Variants in RDX observed in about 807,000 individuals in gnomAD.
RDX encodes the protein radixin.
A neutral mutation model predicts 83.7 loss-of-function variants in RDX; 32 were observed. The ratio of observed to expected loss-of-function variants is 0.38; its 90% CI spans 0.29 to 0.51. RDX has a LOEUF of 0.51. Ranked by LOEUF, RDX falls within the 20% of genes least tolerant of loss-of-function variation. The probability of loss-of-function intolerance (pLI) is 0.87; values close to 1 mark genes in which losing one functional copy is unlikely to be tolerated. For synonymous variants in RDX, 229 were observed against 222.7 expected (o/e 1.03, Z -0.25); for missense variants, 600 against 689.9 (o/e 0.87, Z 1.46).
intron 2 of RDX, among the ~76,000 whole-genome samples, chr11:110,273,626 T>C (rs1034349993): frequency 3.9e-5 from 6 of 152,236 alleles, no homozygotes; most frequent in Non-Finnish European, 8.8e-5. Context: ...ATACCTAATA[T>C]CTCAAAAACT....
chr11:110,224,962 C>G (rs770254853), downstream of RDX, among the ~76,000 whole-genome samples: 1 of 152,162 alleles, frequency 6.6e-6, no homozygotes, highest in Middle Eastern at 3.2e-3. Context: ...CTTCCCAAAG[C>G]TACCAGTTGT....
intron 14 of RDX, among the ~76,000 whole-genome samples, chr11:110,205,407 G>A (rs1259915282): frequency 4.3e-5 from 1 of 23,010 alleles, no homozygotes; most frequent in Admixed American, 5.6e-4. Context: ...TAAGCTACAA[G>A]AAATTGTAAA....
intron 15 of RDX, among the ~76,000 whole-genome samples, chr11:110,176,535 G>T (rs1009877789): frequency 1.3e-5 from 2 of 152,142 alleles, no homozygotes; most frequent in African/African-American, 4.8e-5. Flanking sequence ...CCATCACCCT[G>T]TCAGCAGTGA....
At chr11:110,264,262 A>T (rs369672555) in intron 4 of RDX, 28 bp from the exon 5 acceptor site, 1 of 1,530,784 alleles carries the variant, frequency 6.5e-7, no homozygotes, top group African/African-American at 1.4e-5. Context: ...AGTATAATCA[A>T]CAAAAATCTT....
At chr11:110,264,617 C>T (rs1465613815) in intron 4 of RDX, among the ~76,000 whole-genome samples, 162 bp downstream of exon 4, 1 of 147,696 alleles carries the variant, frequency 6.8e-6, no homozygotes, top group Admixed American at 6.8e-5. Flanking sequence ...AGATGATAAG[C>T]TGATGGTGCC....
rs1311114424 is a variant in RDX at position 110,264,148 on chromosome 11, T to C, written c.279A>G (p.Leu93=). The change falls in exon 5 of 14, where the codon TTA becomes TTG. Residue 93 remains leucine (L), a synonymous_variant. Transcript: ENST00000645495. ...KFFPEDVSEE[L]IQEITQRLFF... ...AGAGTCTCTGGGTTATTTCTTGAAT[T>C]AATTCCTCAGAAACATCTTCAGGAA... 6.2e-7 allele frequency: 1 copy of C among 1,612,610 alleles called. No individual in the cohort carries two copies. The highest frequency in any genetic ancestry group is 2.2e-5 in the East Asian group (1 of 44,860).
rs60766252 is a variant in RDX at position 110,221,601 on chromosome 11, AACACACACACACACACACAC to A, written c.1748+10252_1748+10271del. Among the ~76,000 whole-genome samples, 5 of 133,596 alleles carry A rather than the reference AACACACACACACACACACAC, an allele frequency of 3.7e-5. No homozygotes were observed. The South Asian group carries it at 7.8e-4, about 21-fold the overall frequency. The allele number at this position is 133,596 out of a possible 152,430, so 87.6% of individuals were successfully genotyped here. A position where few individuals can be genotyped will look rare whatever the true frequency, so the allele number is the denominator to read the frequency against. On this transcript the variant is annotated intron_variant, in intron 14 of 15. Transcript: ENST00000528498. ...CAACAGAGCAAGACCCTGTCTCCAA[AACACACACACACACACACAC>A]ACACACACACACACACACACACACG...
intron 14 of RDX, among the ~76,000 whole-genome samples, chr11:110,209,363 T>C (rs1325792071): frequency 2.6e-5 from 4 of 151,512 alleles, no homozygotes; most frequent in Non-Finnish European, 5.9e-5. Flanking sequence ...CGCTGATTGC[T>C]AGCATAGCAG....
At chr11:110,194,220 G>A (rs1863157546) in intron 15 of RDX, among the ~76,000 whole-genome samples, 1 of 152,190 alleles carries the variant, frequency 6.6e-6, no homozygotes, top group South Asian at 2.1e-4. Context: ...TACACAAAAA[G>A]TAATCTTGCA....
At chr11:110,277,219 T>C (rs546041347) in intron 2 of RDX, among the ~76,000 whole-genome samples, 2 of 152,308 alleles carry the variant, frequency 1.3e-5, no homozygotes, top group African/African-American at 2.4e-5. Context: ...TTTTCCAAAG[T>C]AGCTGTAAAC....
chr11:110,247,649 C>A, intron 10 of RDX, 54 bp downstream of exon 10: 5 of 1,580,926 alleles, frequency 3.2e-6, no homozygotes, highest in Non-Finnish European at 4.3e-6. Context: ...ATACCACTAT[C>A]TGACAACAGA....
At chr11:110,235,373 A>G (rs997193214) in intron 12 of RDX, among the ~76,000 whole-genome samples, 2 of 152,000 alleles carry the variant, frequency 1.3e-5, no homozygotes, top group African/African-American at 4.8e-5. Context: ...TTCATATCCA[A>G]TCACTGGTTC....
At chr11:110,208,842 G>A (rs1431260409) in intron 14 of RDX, among the ~76,000 whole-genome samples, 2 of 152,104 alleles carry the variant, frequency 1.3e-5, no homozygotes, top group South Asian at 2.1e-4. Context: ...TGTAATCACA[G>A]CTACTCCGGA....
intron 10 of RDX, among the ~76,000 whole-genome samples, chr11:110,246,458 T>C (rs1053668107): frequency 6.6e-6 from 1 of 152,090 alleles, no homozygotes; most frequent in Non-Finnish European, 1.5e-5. Flanking sequence ...CAAAACTTTT[T>C]AAGCACCAAC....
chr11:110,257,260 T>C (rs1027750533), intron 7 of RDX, among the ~76,000 whole-genome samples: 4 of 151,834 alleles, frequency 2.6e-5, no homozygotes, highest in Non-Finnish European at 5.9e-5. Flanking sequence ...GTGTTCAATA[T>C]GTGTAATACA....
At chr11:110,251,575 T>C (rs766249413) in intron 9 of RDX, among the ~76,000 whole-genome samples, 15 of 152,172 alleles carry the variant, frequency 9.9e-5, no homozygotes, top group Admixed American at 3.3e-4. Flanking sequence ...GTGTTCTTTG[T>C]ATGACACTAG....
At chr11:110,196,762 G>A (rs1334755308) in intron 15 of RDX, among the ~76,000 whole-genome samples, 2 of 152,148 alleles carry the variant, frequency 1.3e-5, no homozygotes, top group East Asian at 1.9e-4. Flanking sequence ...AGGTCTGAAG[G>A]TTGAGAAAAA....
chr11:110,295,893 C>G (rs1861435761), intron 1 of RDX, among the ~76,000 whole-genome samples: 1 of 151,942 alleles, frequency 6.6e-6, no homozygotes, highest in Non-Finnish European at 1.5e-5. Context: ...GAGCGACTGG[C>G]GCCCCAAAGC....
intron 15 of RDX, among the ~76,000 whole-genome samples, chr11:110,179,519 T>C (rs1365887558): frequency 6.6e-6 from 1 of 152,206 alleles, no homozygotes; most frequent in East Asian, 1.9e-4. Flanking sequence ...ATGCCTGTAA[T>C]CCCAGCACTT....
Sources: allele counts gnomAD v4.1 joint callset (sites outside exome capture counted in the v4.1 genomes callset), GRCh38; gene constraint gnomAD v4.1.1; transcripts MANE v1.5; gene names NCBI Gene and HGNC (gene_info 2026-07-23, HGNC 2026-07-21).